Variants in MDGA2 observed in about 807,000 individuals in gnomAD.
MDGA2 encodes the protein MAM domain containing glycosylphosphatidylinositol anchor 2, also known as MAM domain-containing glycosylphosphatidylinositol anchor protein 2.
In MDGA2, 40 loss-of-function variants were observed where a neutral mutation model predicts 117.8. The observed-to-expected ratio is 0.34, with a 90% confidence interval of 0.26 to 0.44. The LOEUF (loss-of-function observed/expected upper bound fraction) is 0.44. MDGA2 is among the 20% of genes least tolerant of loss of function. The pLI, the probability that MDGA2 is intolerant of heterozygous loss-of-function variation, is 1.00. For synonymous variants in MDGA2, 452 were observed against 439.0 expected (o/e 1.03, Z -0.37); for missense variants, 1,123 against 1,250.6 (o/e 0.90, Z 1.54).
chr14:47,228,644 G>T (rs927536299), intron 2 of MDGA2, among the ~76,000 whole-genome samples: 7 of 151,970 alleles, frequency 4.6e-5, no homozygotes, highest in African/African-American at 1.7e-4. Flanking sequence ...TGGGTTTATT[G>T]GAATGTAACC....
At chr14:46,974,344 T>C (rs757724671) in intron 8 of MDGA2, among the ~76,000 whole-genome samples, 5 of 152,080 alleles carry the variant, frequency 3.3e-5, no homozygotes, top group African/African-American at 7.2e-5. Context: ...AAAATCCCAA[T>C]GGCATTTTTT....
chr14:47,157,291 A>C (rs1046341599), intron 3 of MDGA2, among the ~76,000 whole-genome samples: 1 of 152,344 alleles, frequency 6.6e-6, no homozygotes, highest in East Asian at 1.9e-4. Flanking sequence ...GTGGCTATCT[A>C]TAAAACTTAG....
At chr14:47,363,988 G>A (rs1891179639) in intron 1 of MDGA2, among the ~76,000 whole-genome samples, 1 of 151,946 alleles carries the variant, frequency 6.6e-6, no homozygotes, top group Non-Finnish European at 1.5e-5. Context: ...GATAGTAACT[G>A]TCTAAATAAA....
At chr14:47,119,951 C>T (rs932926142) in intron 5 of MDGA2, among the ~76,000 whole-genome samples, 2 of 152,098 alleles carry the variant, frequency 1.3e-5, no homozygotes, top group South Asian at 2.1e-4. Flanking sequence ...TCTACTGTTA[C>T]TTGTTAAATC....
intron 10 of MDGA2, among the ~76,000 whole-genome samples, chr14:46,887,337 G>T (rs1057327333): frequency 6.6e-6 from 1 of 151,940 alleles, no homozygotes; most frequent in South Asian, 2.1e-4. Context: ...ACTCTTTTAA[G>T]TGGCAGCTTC....
chr14:47,061,117 C>T lies in MDGA2; in HGVS notation c.1525+132G>A, dbSNP rs904130207. On this transcript the variant is annotated intron_variant, in intron 7 of 16. Coordinates refer to ENST00000399232, the MANE Select transcript of MDGA2 (RefSeq NM_001113498.3). ...CAGAACCTAGTATTCATTGAGCATTCAGAACATTATAATTTTGTTTTTAGG... is the reference window on the plus strand; with the variant it reads ...CAGAACCTAGTATTCATTGAGCATTTAGAACATTATAATTTTGTTTTTAGG... 2.0e-4 allele frequency: 140 copies of T among 716,962 alleles called. No homozygotes were observed. The African/African-American group carries it at 2.1e-3, about 11-fold the overall frequency. The allele number at this position is 716,962 out of a possible 1,614,324, so 44.4% of individuals were successfully genotyped here.
At chr14:46,909,577 C>T (rs1196605481) in intron 10 of MDGA2, among the ~76,000 whole-genome samples, 1 of 151,884 alleles carries the variant, frequency 6.6e-6, no homozygotes, top group Non-Finnish European at 1.5e-5. Context: ...ACTGAGTTCA[C>T]TAACATTAAT....
At chr14:47,248,095 T>G (rs1362383125) in intron 2 of MDGA2, among the ~76,000 whole-genome samples, 2 of 151,718 alleles carry the variant, frequency 1.3e-5, no homozygotes, top group African/African-American at 4.8e-5. Flanking sequence ...TGAATAGTGC[T>G]GCAATAAACA....
chr14:47,247,396 G>A (rs922503383), intron 2 of MDGA2, among the ~76,000 whole-genome samples: 5 of 149,036 alleles, frequency 3.4e-5, no homozygotes, highest in East Asian at 2.0e-4. Flanking sequence ...CCTCTGCCTC[G>A]CAGGTTCAAG....
At chr14:47,126,654 C>A (rs1881919391) in intron 5 of MDGA2, among the ~76,000 whole-genome samples, 1 of 152,122 alleles carries the variant, frequency 6.6e-6, no homozygotes. Context: ...TAATTAATTT[C>A]TATTCACAAA....
chr14:47,119,052 CT>C (rs371151507), intron 5 of MDGA2, among the ~76,000 whole-genome samples: 77,410 of 123,982 alleles, frequency 0.62, 23,297 homozygotes, highest in Admixed American at 0.7. Context: ...TACATATTCT[CT>C]TTTTTTTTTT....
intron 1 of MDGA2, among the ~76,000 whole-genome samples, chr14:47,638,559 G>A (rs1039584314): frequency 2.0e-5 from 3 of 152,006 alleles, no homozygotes; most frequent in Non-Finnish European, 4.4e-5. Context: ...CCATTACTCC[G>A]ACTAAAATTC....
In MDGA2 at chr14:47,178,880, T is replaced by C. The variant is rs554367127; in HGVS notation, c.596-34606A>G. On this transcript the variant is annotated intron_variant, in intron 3 of 16. Coordinates refer to ENST00000399232, the MANE Select transcript of MDGA2 (RefSeq NM_001113498.3). ...ACTGTTCCAGGTAGAGGGAACAGTA[T>C]ACTGTTGTATACAGTATACAAGTAC... 7.6e-4 allele frequency among the ~76,000 whole-genome samples: 116 copies of C among 152,262 alleles called. 1 individual carries two copies. Among genetic ancestry groups the C allele is most frequent in the African/African-American group, 2.6e-3 (109 of 41,572 alleles).
At chr14:47,016,886 C>G (rs1888103080) in intron 8 of MDGA2, among the ~76,000 whole-genome samples, 1 of 151,876 alleles carries the variant, frequency 6.6e-6, no homozygotes, top group African/African-American at 2.4e-5. Context: ...CCTGCAAAAG[C>G]CTCTAAAACA....
intron 1 of MDGA2, among the ~76,000 whole-genome samples, chr14:47,328,572 G>C (rs1890207683): frequency 6.6e-6 from 1 of 152,104 alleles, no homozygotes; most frequent in South Asian, 2.1e-4. Flanking sequence ...CTGTACTCTT[G>C]GAACTAATTG....
intron 14 of MDGA2, among the ~76,000 whole-genome samples, chr14:46,856,440 T>G (rs187280775): frequency 6.6e-6 from 1 of 152,214 alleles, no homozygotes; most frequent in Admixed American, 6.6e-5. Context: ...TTTTCTCACT[T>G]TCCTCTGTAG....
chr14:47,075,384 C>A (rs1326459488), intron 6 of MDGA2, among the ~76,000 whole-genome samples: 2 of 152,130 alleles, frequency 1.3e-5, no homozygotes, highest in African/African-American at 4.8e-5. Context: ...AGATACAACA[C>A]CTGTAAAGCT....
chr14:47,514,211 C>A (rs956137435), intron 1 of MDGA2, among the ~76,000 whole-genome samples: 10 of 152,086 alleles, frequency 6.6e-5, no homozygotes, highest in African/African-American at 2.4e-4. Flanking sequence ...GAGAAAACTC[C>A]ACTTGGCATA....
intron 6 of MDGA2, among the ~76,000 whole-genome samples, chr14:47,092,798 T>C (rs1047771437): frequency 6.6e-6 from 1 of 151,970 alleles, no homozygotes; most frequent in African/African-American, 2.4e-5. Context: ...TTGGGCTCTG[T>C]TTAGTTGGCT....
Sources: gnomAD v4.1 joint callset for allele counts (sites outside exome capture counted in the v4.1 genomes callset) on GRCh38, gnomAD v4.1.1 for gene constraint, MANE v1.5 for transcripts, NCBI Gene and HGNC (gene_info 2026-07-23, HGNC 2026-07-21) for gene names.